The following ANKRD2 variants were observed in gnomAD, a reference collection of about 807,000 sequenced individuals.
ANKRD2 encodes ankyrin repeat domain-containing protein 2.
A neutral mutation model predicts 37.3 loss-of-function variants in ANKRD2; 35 were observed. The observed-to-expected ratio is 0.94, with a 90% CI of 0.72 to 1.24. The LOEUF (loss-of-function observed/expected upper bound fraction) is 1.24, where lower values mean the gene tolerates loss of function less well. Among genes scored for constraint, ANKRD2 ranks in the 50% most tolerant of loss-of-function variants. ANKRD2 has a pLI of 0.00. For synonymous variants in ANKRD2, 159 were observed against 186.5 expected, an observed-to-expected ratio of 0.85 and a Z score of 1.20; for missense variants, 410 against 445.6, an observed-to-expected ratio of 0.92 and a Z score of 0.72.
chr10:97,581,765 A>C (rs953616758), intron 6 of ANKRD2, among the ~76,000 whole-genome samples: 1 of 152,184 alleles, frequency 6.6e-6, no homozygotes, highest in Non-Finnish European at 1.5e-5. Flanking sequence ...CTATTCATCT[A>C]TCCGTCTATC....
chr10:97,579,748 C>T lies in ANKRD2; in HGVS notation c.457-1107C>T, dbSNP rs547716982. Among the ~76,000 whole-genome samples the T allele has an allele frequency of 8.5e-5, 13 of 152,084 alleles. No individual in the cohort carries two copies. In the South Asian group the frequency reaches 2.3e-3, roughly 27 times the overall value. ...GATTACAGGCGCCCGCCACCACACCCGGCTAATTTGTTTATTTTTAGTAGA... is the reference window on the plus strand; with the variant it reads ...GATTACAGGCGCCCGCCACCACACCTGGCTAATTTGTTTATTTTTAGTAGA... On this transcript the variant is annotated intron_variant, in intron 4 of 8. Transcript: ENST00000370655.
chr10:97,582,716 C>T lies in ANKRD2; in HGVS notation c.852+14C>T, dbSNP rs1451330461. The stretch of plus-strand genomic sequence containing the variant: ...ACCAAGAACCTGGTAAGCTCATTCC[C>T]TCCTTGATTCAGTCACTGGCGTGAG... On this transcript the variant is annotated intron_variant, in intron 8 of 8. Coordinates refer to ENST00000370655, the MANE Select transcript of ANKRD2 (RefSeq NM_001346793.2). 6 of 1,612,346 alleles carry T rather than the reference C, an allele frequency of 3.7e-6. No homozygotes were observed. Among genetic ancestry groups the T allele is most frequent in the Non-Finnish European group, 5.1e-6 (6 of 1,178,640 alleles).
chr10:97,578,156 C>CA, intron 2 of ANKRD2, 84 bp from the exon 3 acceptor site: 1 of 1,171,582 alleles, frequency 8.5e-7, no homozygotes, highest in Non-Finnish European at 1.2e-6. Flanking sequence ...CCACCCCACC[C>CA]TCCCCACCAG....
intron 1 of ANKRD2, among the ~76,000 whole-genome samples, chr10:97,573,924 G>A (rs2040791293): frequency 6.6e-6 from 1 of 152,208 alleles, no homozygotes; most frequent in Non-Finnish European, 1.5e-5. Context: ...AAATAGAGGT[G>A]TGAATCAGAA....
upstream of ANKRD2, chr10:97,572,536 C>T (rs1449015677): frequency 1.3e-6 from 1 of 793,036 alleles, no homozygotes; most frequent in East Asian, 2.7e-5. Flanking sequence ...GCTGGACGGG[C>T]TCCTTCCTGC....
At chr10:97,579,580 CT>C (rs903800670) in intron 4 of ANKRD2, among the ~76,000 whole-genome samples, 1 of 150,286 alleles carries the variant, frequency 6.7e-6, no homozygotes, top group Admixed American at 6.6e-5. Context: ...GCCATATTTT[CT>C]TTTTTTTTCT....
chr10:97,583,708 C>A lies in ANKRD2; in HGVS notation c.985C>A (p.Pro329Thr). The A allele has an allele frequency of 6.4e-7, 1 of 1,563,838 alleles. No individual in the cohort carries two copies. ...TGATAGTGGGCGAGAGACCCCTCAG[C>A]CTGTGCCAGCCCAGTGAATGCGTGC... is the stretch of plus-strand genomic sequence containing the variant. ...PNDSGRETPQ[P>T]VPAQ Residue 329 changes from proline to threonine, a missense_variant, in exon 9 of 9, where the codon CCT (proline) becomes ACT (threonine). Pro to Thr is a conservative substitution (Grantham distance 38, BLOSUM62 -1). Coordinates refer to ENST00000370655, the MANE Select transcript of ANKRD2 (RefSeq NM_001346793.2).
chr10:97,581,200 G>T, intron 5 of ANKRD2, 116 bp from the exon 6 acceptor site: 1 of 1,089,952 alleles, frequency 9.2e-7, no homozygotes, highest in East Asian at 2.4e-5. Context: ...CCATGCCCAG[G>T]CCTGCTCCCT....
In ANKRD2 at chr10:97,583,820, T is replaced by C; in HGVS notation, c.*95T>C. The C allele has an allele frequency of 1.5e-6, 2 of 1,350,736 alleles. No homozygotes were observed. Among genetic ancestry groups the C allele is most frequent in the Non-Finnish European group, 1.9e-6 (2 of 1,034,648 alleles). The allele number at this position is 1,350,736 out of a possible 1,614,324, so 83.7% of individuals were successfully genotyped here. On this transcript the variant is annotated 3_prime_UTR_variant, in exon 9 of 9. Coordinates refer to ENST00000370655, the MANE Select transcript of ANKRD2 (RefSeq NM_001346793.2). The stretch of plus-strand genomic sequence containing the variant: ...CCCGGAGCTAACTGAGGGCCCAGCC[T>C]TTTTTCTGCATGATCCAGGAGCACA...
At chr10:97,583,030 C>G (rs1013327120) in intron 8 of ANKRD2, among the ~76,000 whole-genome samples, 17 of 152,132 alleles carry the variant, frequency 1.1e-4, no homozygotes, top group Non-Finnish European at 2.4e-4. Flanking sequence ...TGGAAGGGAC[C>G]GAGCACTCAG....
rs765811149 is a variant in ANKRD2 at position 97,583,599 on chromosome 10, G to A, written c.876G>A (p.Leu292=). Residue 292 remains leucine, a synonymous_variant, in exon 9 of 9, where the codon CTG becomes CTA. Transcript: ENST00000370655. ...KNLAGKTPTD[L]VQLWQADTRH... is the part of the protein sequence containing the mutation. ...AGGCAGGAAAGACCCCGACGGACCTGGTGCAGCTCTGGCAGGCTGATACCC... is the reference window on the plus strand; with the variant it reads ...AGGCAGGAAAGACCCCGACGGACCTAGTGCAGCTCTGGCAGGCTGATACCC... 6 of 1,605,090 alleles carry A rather than the reference G, an allele frequency of 3.7e-6. No individual in the cohort carries two copies. Among genetic ancestry groups the A allele is most frequent in the African/African-American group, 1.3e-5 (1 of 74,680 alleles).
At chr10:97,583,415 C>A (rs1254566962) in intron 8 of ANKRD2, among the ~76,000 whole-genome samples, 161 bp from the exon 9 acceptor site, 3 of 152,118 alleles carry the variant, frequency 2.0e-5, no homozygotes, top group Non-Finnish European at 4.4e-5. Flanking sequence ...CCAGTAGTAC[C>A]CATCCCCTAG....
At position 97,572,847 on chromosome 10, in the gene ANKRD2, A is replaced by G; in HGVS notation, c.59A>G (p.Gln20Arg). 6.4e-7 allele frequency: 1 copy of G among 1,556,462 alleles called. No individual in the cohort carries two copies. Among genetic ancestry groups the G allele is most frequent in the Non-Finnish European group, 8.7e-7 (1 of 1,149,960 alleles). The change falls in exon 1 of 9, where the codon CAG becomes CGG. Residue 20 changes from glutamine (Q) to arginine (R), a missense_variant. Gln to Arg is a conservative substitution (Grantham distance 43, BLOSUM62 1). Coordinates refer to ENST00000370655, the MANE Select transcript of ANKRD2 (RefSeq NM_001346793.2). ...AVQRATALIE[Q>R]RLAQEEENEK... ...CAGAGGGCCACAGCGCTCATCGAGC[A>G]GCGGCTGGCACAGGAGGAGGAGAAT...
At chr10:97,577,763 T>C (rs1377253598) in intron 1 of ANKRD2, 37 bp from the exon 2 acceptor site, 2 of 1,505,332 alleles carry the variant, frequency 1.3e-6, no homozygotes, top group Non-Finnish European at 1.8e-6. Flanking sequence ...GCCTGTCTCC[T>C]CGGGTCCTGG....
Position 97,572,835 on chromosome 10 carries a change from C to G in ANKRD2, c.47C>G (p.Ala16Gly). 1.3e-6 allele frequency: 2 copies of G among 1,561,938 alleles called. No homozygotes were observed. The highest frequency in any genetic ancestry group is 2.4e-5 in the South Asian group (2 of 84,760). The change falls in exon 1 of 9, where the codon GCG becomes GGG. Residue 16 changes from alanine to glycine, a missense_variant. Coordinates refer to ENST00000370655, the MANE Select transcript of ANKRD2 (RefSeq NM_001346793.2). ...EDSEAVQRAT[A>G]LIEQRLAQEE... ...TCCGAGGCGGTGCAGAGGGCCACAG[C>G]GCTCATCGAGCAGCGGCTGGCACAG...
intron 2 of ANKRD2, 76 bp from the exon 3 acceptor site, chr10:97,578,164 C>CCCCAAA: frequency 2.9e-6 from 4 of 1,387,890 alleles, no homozygotes; most frequent in Non-Finnish European, 3.9e-6. Flanking sequence ...CCCTCCCCAC[C>CCCCAAA]AGCTTAGCTC....
chr10:97,578,047 C>A, intron 2 of ANKRD2, 146 bp downstream of exon 2: 1 of 1,078,278 alleles, frequency 9.3e-7, no homozygotes, highest in Non-Finnish European at 1.3e-6. Context: ...CCGCCCCGTC[C>A]CAGAACTACT....
intron 4 of ANKRD2, among the ~76,000 whole-genome samples, chr10:97,579,958 A>G (rs1016820605): frequency 6.6e-6 from 1 of 152,104 alleles, no homozygotes; most frequent in African/African-American, 2.4e-5. Context: ...TTTTGCCTGA[A>G]ACTGCCTCTT....
At chr10:97,579,338 A>C (rs1265130727) in intron 4 of ANKRD2, among the ~76,000 whole-genome samples, 9 of 142,498 alleles carry the variant, frequency 6.3e-5, no homozygotes, top group African/African-American at 2.1e-4. Context: ...ACAGAGTCTC[A>C]CTCTGTCACC....
Sources: allele counts gnomAD v4.1 joint callset (sites outside exome capture counted in the v4.1 genomes callset), GRCh38; gene constraint gnomAD v4.1.1; transcripts MANE v1.5; gene names NCBI Gene and HGNC (gene_info 2026-07-23, HGNC 2026-07-21).